The following BTBD7 variants were observed in gnomAD, a reference collection of about 807,000 sequenced individuals.
BTBD7 encodes the protein BTB/POZ domain-containing protein 7.
BTBD7 carries 38 observed loss-of-function variants against 99.9 expected under a neutral mutation model. That is an observed-to-expected ratio of 0.38 (90% CI 0.29 to 0.50). The LOEUF (loss-of-function observed/expected upper bound fraction) is 0.50, where lower values mean the gene tolerates loss of function less well. Ranked by LOEUF, BTBD7 falls within the 20% of genes least tolerant of loss-of-function variation. BTBD7 has a pLI of 0.93. For synonymous variants in BTBD7, 520 were observed against 511.4 expected, an observed-to-expected ratio of 1.02 and a Z score of -0.23; for missense variants, 1,170 against 1,394.6, an observed-to-expected ratio of 0.84 and a Z score of 2.57.
chr14:93,320,885 T>C (rs957011295), intron 1 of BTBD7, among the ~76,000 whole-genome samples: 4 of 152,220 alleles, frequency 2.6e-5, no homozygotes, highest in Non-Finnish European at 5.9e-5. Context: ...AGTATAATTT[T>C]ATTTTATACA....
At chr14:93,301,922 T>C (rs2053009579) in intron 1 of BTBD7, among the ~76,000 whole-genome samples, 1 of 152,160 alleles carries the variant, frequency 6.6e-6, no homozygotes, top group Non-Finnish European at 1.5e-5. Context: ...CAGCAGAGCC[T>C]GGTTCCCTGA....
intron 1 of BTBD7, among the ~76,000 whole-genome samples, chr14:93,331,879 T>TTCCCCCCCC (rs2053423174): frequency 7.5e-6 from 1 of 133,116 alleles, no homozygotes; most frequent in Non-Finnish European, 1.5e-5. Context: ...AGACTCCGTC[T>TTCCCCCCCC]CCCCCCCCCC....
chr14:93,263,633 T>C, intron 4 of BTBD7, 152 bp downstream of exon 4: 1 of 678,152 alleles, frequency 1.5e-6, no homozygotes, highest in Non-Finnish European at 2.5e-6. Flanking sequence ...AAGGCTTTTG[T>C]TGTACAACTA....
intron 3 of BTBD7, among the ~76,000 whole-genome samples, chr14:93,280,930 T>G (rs774250416): frequency 6.6e-5 from 10 of 151,572 alleles, no homozygotes; most frequent in Non-Finnish European, 1.5e-4. Context: ...CTCGGTGGAC[T>G]CAAGCAATCC....
chr14:93,254,251 T>C (rs1477272872), intron 6 of BTBD7, among the ~76,000 whole-genome samples: 3 of 152,152 alleles, frequency 2.0e-5, no homozygotes, highest in Non-Finnish European at 4.4e-5. Context: ...ACCTCAAATT[T>C]TTAATAATAT....
intron 9 of BTBD7, among the ~76,000 whole-genome samples, chr14:93,247,566 G>A (rs192324819): frequency 7.9e-5 from 12 of 152,248 alleles, no homozygotes; most frequent in Non-Finnish European, 1.0e-4. Flanking sequence ...GGCTGGTCTC[G>A]AACTCCTGAC....
intron 3 of BTBD7, among the ~76,000 whole-genome samples, chr14:93,275,623 T>C (rs543836999): frequency 6.6e-6 from 1 of 152,290 alleles, no homozygotes; most frequent in East Asian, 1.9e-4. Flanking sequence ...TACACAAACC[T>C]AGATGGTTTA....
intron 3 of BTBD7, chr14:93,288,439 C>G (rs1249246654): frequency 4.4e-6 from 3 of 680,596 alleles, no homozygotes; most frequent in Admixed American, 2.3e-5. Context: ...CCTGTTTTTA[C>G]TTTAATAGCA....
rs142180364 is a variant in BTBD7 at position 93,259,117 on chromosome 14, G to A, written c.1448-1762C>T. On this transcript the variant is annotated intron_variant, in intron 5 of 10. Coordinates refer to ENST00000334746, the MANE Select transcript of BTBD7 (RefSeq NM_001002860.4). Reference sequence around the variant, plus strand: ...ACTGTTGCTCATAGGGAAAACACAGGGTTAGGTTCCTGTGAACCTCTGGGT... The same window carrying A: ...ACTGTTGCTCATAGGGAAAACACAGAGTTAGGTTCCTGTGAACCTCTGGGT... Among the ~76,000 whole-genome samples the A allele has an allele frequency of 2.7e-3, 406 of 152,224 alleles. 1 individual carries two copies. The highest frequency in any genetic ancestry group is 9.2e-3 in the African/African-American group (384 of 41,540).
chr14:93,301,518 T>TACAC lies in BTBD7; in HGVS notation c.-106-5365_-106-5362dup, dbSNP rs58069654. On this transcript the variant is annotated intron_variant, in intron 1 of 10. Coordinates refer to ENST00000334746, the MANE Select transcript of BTBD7 (RefSeq NM_001002860.4). Reference sequence around the variant, plus strand: ...AAATATTTTTACATATATATATATATACACACACACATATACATAAAATTA... The same window carrying TACAC: ...AAATATTTTTACATATATATATATATACACACACACACACATATACATAAAATTA... Among the ~76,000 whole-genome samples, 403 of 148,894 alleles carry TACAC rather than the reference T, an allele frequency of 2.7e-3. 1 individual carries two copies. The highest frequency in any genetic ancestry group is 9.4e-3 in the African/African-American group (381 of 40,704).
intron 1 of BTBD7, among the ~76,000 whole-genome samples, chr14:93,314,446 T>A (rs1449722155): frequency 6.6e-6 from 1 of 152,218 alleles, no homozygotes; most frequent in South Asian, 2.1e-4. Context: ...ACAAAACTAT[T>A]TTCATTTCAT....
At chr14:93,267,753 G>A (rs1358173122) in intron 3 of BTBD7, among the ~76,000 whole-genome samples, 1 of 152,138 alleles carries the variant, frequency 6.6e-6, no homozygotes, top group Non-Finnish European at 1.5e-5. Context: ...TCTATCACCA[G>A]ATGCTGTTCA....
intron 3 of BTBD7, among the ~76,000 whole-genome samples, chr14:93,288,929 T>C (rs1395886363): frequency 6.6e-6 from 1 of 152,216 alleles, no homozygotes; most frequent in Non-Finnish European, 1.5e-5. Context: ...ATTATAGATT[T>C]CAACCCTGTG....
chr14:93,245,213 G>C (rs929583543), intron 10 of BTBD7, among the ~76,000 whole-genome samples: 5 of 151,672 alleles, frequency 3.3e-5, no homozygotes, highest in African/African-American at 1.2e-4. Flanking sequence ...CTCTAATACA[G>C]TGCAAAATCA....
intron 1 of BTBD7, among the ~76,000 whole-genome samples, chr14:93,301,143 C>T (rs367701841): frequency 6.6e-6 from 1 of 151,886 alleles, no homozygotes; most frequent in South Asian, 2.1e-4. Context: ...CTGCTTGAGG[C>T]CAGGAGTTAG....
chr14:93,300,865 C>T (rs2052996518), intron 1 of BTBD7, among the ~76,000 whole-genome samples: 1 of 151,004 alleles, frequency 6.6e-6, no homozygotes, highest in South Asian at 2.1e-4. Context: ...ATCTATCTAT[C>T]TTGGCTTCCC....
chr14:93,288,999 GA>G (rs2139756507), intron 3 of BTBD7, among the ~76,000 whole-genome samples: 1 of 152,096 alleles, frequency 6.6e-6, no homozygotes, highest in Non-Finnish European at 1.5e-5. Flanking sequence ...AATTTCTTTA[GA>G]AAATTCAGAA....
In BTBD7 at chr14:93,242,695, G is replaced by T. The variant is rs746821744; in HGVS notation, c.2977C>A (p.Leu993Ile). ...ASPSGLKSAY[L>I]PGQTSPKKQE... is the part of the protein sequence containing the mutation. ...TTTTTAGGAGACGTCTGACCAGGTA[G>T]GTAGGCTGACTTTAAGCCACTTGGT... Residue 993 changes from leucine to isoleucine, a missense_variant, in exon 11 of 11, where the codon CTA (leucine) becomes ATA (isoleucine). Leu to Ile is a conservative substitution (Grantham distance 5). Transcript: ENST00000334746. The T allele has an allele frequency of 3.1e-6, 5 of 1,614,162 alleles. No individual in the cohort carries two copies. Among genetic ancestry groups the T allele is most frequent in the South Asian group, 1.1e-5 (1 of 91,076 alleles).
At chr14:93,332,686 C>G in intron 1 of BTBD7, 134 bp downstream of exon 1, 1 of 1,272,982 alleles carries the variant, frequency 7.9e-7, no homozygotes, top group Non-Finnish European at 1.0e-6. Context: ...GGCGCCCCAG[C>G]GCCTCCCGCG....
Sources: allele counts gnomAD v4.1 joint callset (sites outside exome capture counted in the v4.1 genomes callset), GRCh38; gene constraint gnomAD v4.1.1; transcripts MANE v1.5; gene names NCBI Gene and HGNC (gene_info 2026-07-23, HGNC 2026-07-21).